The following SEH1L variants were observed in gnomAD, a reference collection of about 807,000 sequenced individuals.
The protein encoded by SEH1L is SEH1 like nucleoporin.
SEH1L carries 18 observed loss-of-function variants against 49.5 expected under a neutral mutation model. The ratio of observed to expected loss-of-function variants is 0.36; its 90% CI spans 0.25 to 0.54. The LOEUF (loss-of-function observed/expected upper bound fraction) is 0.54, where lower values mean the gene tolerates loss of function less well. Ranked by LOEUF, SEH1L falls within the 20% of genes least tolerant of loss-of-function variation. The pLI is 0.87. For missense variants in SEH1L, 404 were observed against 528.8 expected (o/e 0.76, Z 2.31); for synonymous variants, 169 against 178.1 (o/e 0.95, Z 0.41).
chr18:12,963,069 T>A, intron 3 of SEH1L, 91 bp from the exon 4 acceptor site: 1 of 891,860 alleles, frequency 1.1e-6, no homozygotes, highest in East Asian at 2.7e-5. Context: ...GATAGAGGAG[T>A]TTCTGTGTGA....
At chr18:12,972,693 C>G (rs1459490341) in intron 5 of SEH1L, 1 of 152,218 alleles carries the variant, frequency 6.6e-6, no homozygotes, top group Non-Finnish European at 1.5e-5. Flanking sequence ...TTGTTGGTGT[C>G]TGCAGAGAGG....
chr18:12,954,882 C>A (rs1473401259), intron 2 of SEH1L, among the ~76,000 whole-genome samples: 1 of 152,208 alleles, frequency 6.6e-6, no homozygotes, highest in Non-Finnish European at 1.5e-5. Context: ...TAATTGGCAA[C>A]CACCACCACT....
chr18:12,951,090 A>G (rs1167981129), intron 1 of SEH1L, among the ~76,000 whole-genome samples: 1 of 152,174 alleles, frequency 6.6e-6, no homozygotes, highest in Non-Finnish European at 1.5e-5. Flanking sequence ...TTGTACCCCA[A>G]AAGTCACACT....
In SEH1L at chr18:12,987,209, A is replaced by G. The variant is rs1377734568; in HGVS notation, c.*152A>G. 2.0e-6 allele frequency: 1 copy of G among 505,208 alleles called. No individual in the cohort carries two copies. Among genetic ancestry groups the G allele is most frequent in the Non-Finnish European group, 3.4e-6 (1 of 293,130 alleles). The allele number at this position is 505,208 out of a possible 1,614,324, so 31.3% of individuals were successfully genotyped here. A position where few individuals can be genotyped will look rare whatever the true frequency, so the allele number is the denominator to read the frequency against. On this transcript the variant is annotated 3_prime_UTR_variant, in exon 9 of 9. Transcript: ENST00000399892. The stretch of plus-strand genomic sequence containing the variant: ...AACCAGAATACAGTGTTTGGAACCT[A>G]AATCTGTTTGTGCGTCTGCATCAAA...
chr18:12,951,086 C>T (rs563130643), intron 1 of SEH1L, among the ~76,000 whole-genome samples: 9 of 152,136 alleles, frequency 5.9e-5, no homozygotes, highest in African/African-American at 1.9e-4. Context: ...TTACTTGTAC[C>T]CCAAAAGTCA....
chr18:12,971,916 A>G (rs906799706), intron 5 of SEH1L: 2 of 152,304 alleles, frequency 1.3e-5, no homozygotes, highest in Non-Finnish European at 2.9e-5. Context: ...GAGAGGGAGT[A>G]TATTTATACT....
intron 2 of SEH1L, among the ~76,000 whole-genome samples, chr18:12,952,151 C>T (rs1252871602): frequency 2.0e-5 from 3 of 148,834 alleles, no homozygotes; most frequent in Non-Finnish European, 4.4e-5. Context: ...TTTGCCTTTA[C>T]ATATTTTAAT....
intron 4 of SEH1L, 49 bp from the exon 5 acceptor site, chr18:12,971,104 A>G: frequency 4.6e-6 from 6 of 1,301,012 alleles, no homozygotes; most frequent in Non-Finnish European, 6.7e-6. Flanking sequence ...CTGTGAATGA[A>G]ATGTGTATTT....
Position 12,963,306 on chromosome 18 carries a change from G to T in SEH1L, c.456G>T (p.Gln152His). ...YEAPDVMNLS[Q>H]WSLQHEISCK... is the part of the protein sequence containing the mutation. ...CACCAGATGTTATGAATCTCAGCCA[G>T]TGGTCTTTGCAGCATGAGATCTCAT... Residue 152 changes from glutamine to histidine, a missense_variant, in exon 4 of 9, where the codon CAG becomes CAT. Physicochemically the swap from Gln to His is conservative, Grantham distance 24 (BLOSUM62 0). Coordinates refer to ENST00000399892, the MANE Select transcript of SEH1L (RefSeq NM_001013437.2). 3 of 1,614,190 alleles carry T rather than the reference G, an allele frequency of 1.9e-6. No homozygotes were observed. The highest frequency in any genetic ancestry group is 2.5e-6 in the Non-Finnish European group (3 of 1,180,020).
chr18:12,985,503 T>A, intron 8 of SEH1L: 2 of 1,233,554 alleles, frequency 1.6e-6, no homozygotes, highest in East Asian at 3.5e-5. Flanking sequence ...TGAGACATTG[T>A]CACCAAAACA....
intron 3 of SEH1L, among the ~76,000 whole-genome samples, chr18:12,956,673 C>T (rs949588583): frequency 7.5e-5 from 11 of 147,348 alleles, no homozygotes; most frequent in South Asian, 2.2e-4. Context: ...GATTGTAATG[C>T]TTCTGAAGTC....
intron 7 of SEH1L, 110 bp from the exon 8 acceptor site, chr18:12,983,930 C>T (rs1314212813): frequency 2.9e-6 from 2 of 690,854 alleles, no homozygotes; most frequent in East Asian, 2.7e-5. Flanking sequence ...AAATGTAGCT[C>T]ATAGCCTCTG....
intron 6 of SEH1L, among the ~76,000 whole-genome samples, chr18:12,980,192 C>T (rs1476281082): frequency 4.6e-5 from 6 of 131,850 alleles, no homozygotes; most frequent in African/African-American, 8.6e-5. Context: ...CCGGATGGGG[C>T]GGCTGGCCGG....
intron 2 of SEH1L, among the ~76,000 whole-genome samples, chr18:12,952,929 A>G (rs1196523534): frequency 6.6e-6 from 1 of 151,594 alleles, no homozygotes; most frequent in African/African-American, 2.4e-5. Flanking sequence ...TTACAGGCGC[A>G]TGCCACCACA....
At chr18:12,984,560 A>G in intron 8 of SEH1L, 1 of 165,324 alleles carries the variant, frequency 6.0e-6, no homozygotes, top group African/African-American at 2.4e-5. Flanking sequence ...TCTTTGCATT[A>G]GGTCAAACTG....
Position 12,982,538 on chromosome 18 carries a change from G to T in SEH1L, c.782G>T (p.Gly261Val), listed in dbSNP as rs1278754693. ...AACAGGAAAGAACTGACTTCCTCTG[G>T]TGGGCCAACAAAGTTTGAAATCCAT... is the stretch of plus-strand genomic sequence containing the variant. The part of the protein sequence containing the change: ...KPVRKELTSS[G>V]GPTKFEIHIV... The change falls in exon 7 of 9, where the codon GGT becomes GTT. Residue 261 changes from glycine to valine, a missense_variant. Physicochemically the swap from Gly to Val is moderately radical, Grantham distance 109. Transcript: ENST00000399892. 6.2e-7 allele frequency: 1 copy of T among 1,610,766 alleles called. No individual in the cohort carries two copies. Among genetic ancestry groups the T allele is most frequent in the Admixed American group, 1.7e-5 (1 of 59,194 alleles).
chr18:12,958,064 C>CTTTTTTTTTTTTTTTTTT (rs57733399), intron 3 of SEH1L, among the ~76,000 whole-genome samples: 2 of 62,036 alleles, frequency 3.2e-5, no homozygotes, highest in East Asian at 5.5e-4. Context: ...CTCATTTTAA[C>CTTTTTTTTTTTTTTTTTT]TTTTTTTTTT....
chr18:12,952,040 G>A (rs1243203111), intron 2 of SEH1L, 135 bp downstream of exon 2: 5 of 482,520 alleles, frequency 1.0e-5, no homozygotes, highest in South Asian at 2.9e-5. Context: ...ACTGTTTTTC[G>A]CTATTAAAGT....
intron 6 of SEH1L, among the ~76,000 whole-genome samples, chr18:12,981,162 C>T (rs1237017162): frequency 2.0e-5 from 3 of 151,760 alleles, no homozygotes; most frequent in African/African-American, 4.8e-5. Flanking sequence ...CGGGCAGAGA[C>T]GCTCCTCACT....
Sources: gnomAD v4.1 joint callset for allele counts (sites outside exome capture counted in the v4.1 genomes callset) on GRCh38, gnomAD v4.1.1 for gene constraint, MANE v1.5 for transcripts, NCBI Gene and HGNC (gene_info 2026-07-23, HGNC 2026-07-21) for gene names.